The following DNM3 variants were observed in gnomAD, a reference collection of about 807,000 sequenced individuals.
DNM3 encodes dynamin-3.
A neutral mutation model predicts 101.6 loss-of-function variants in DNM3; 47 were observed. That is an observed-to-expected ratio of 0.46 (90% CI 0.37 to 0.59). The LOEUF is 0.59. DNM3 is among the 20% of genes least tolerant of loss of function. The probability of loss-of-function intolerance (pLI) is 0.00; values close to 1 mark genes in which losing one functional copy is unlikely to be tolerated. For missense variants in DNM3, 849 were observed against 1,085.7 expected (o/e 0.78, Z 3.06); for synonymous variants, 385 against 387.9 (o/e 0.99, Z 0.09).
At chr1:172,047,057 A>T (rs1299160617) in intron 9 of DNM3, among the ~76,000 whole-genome samples, 1 of 152,188 alleles carries the variant, frequency 6.6e-6, no homozygotes, top group African/African-American at 2.4e-5. Flanking sequence ...TGTCCTGAGC[A>T]TAAGACATAC....
At chr1:172,381,766 A>C (rs1287047054) in intron 18 of DNM3, among the ~76,000 whole-genome samples, 1 of 152,132 alleles carries the variant, frequency 6.6e-6, no homozygotes, top group Non-Finnish European at 1.5e-5. Flanking sequence ...CGAGAAAACT[A>C]GTCTTTTGAC....
intron 14 of DNM3, among the ~76,000 whole-genome samples, chr1:172,135,405 A>G (rs962170823): frequency 6.6e-6 from 1 of 152,148 alleles, no homozygotes; most frequent in Non-Finnish European, 1.5e-5. Context: ...AAATTATTGA[A>G]TTACAGAATA....
At chr1:171,969,424 C>G (rs796359095) in intron 2 of DNM3, among the ~76,000 whole-genome samples, 1 of 152,074 alleles carries the variant, frequency 6.6e-6, no homozygotes, top group Non-Finnish European at 1.5e-5. Flanking sequence ...AGTGGGAACA[C>G]GAGGGGCTGA....
At chr1:172,070,894 G>T (rs1476845356) in intron 11 of DNM3, among the ~76,000 whole-genome samples, 2 of 151,272 alleles carry the variant, frequency 1.3e-5, no homozygotes, top group East Asian at 2.0e-4. Flanking sequence ...TCGAGACCAG[G>T]CTGGGAAACA....
chr1:172,145,696 G>C (rs1333822071), intron 14 of DNM3, among the ~76,000 whole-genome samples: 3 of 152,134 alleles, frequency 2.0e-5, no homozygotes, highest in Non-Finnish European at 4.4e-5. Context: ...ACGAAACAAC[G>C]ACTCAGGTCT....
At chr1:171,891,565 C>T (rs560733441) in intron 1 of DNM3, among the ~76,000 whole-genome samples, 1 of 152,254 alleles carries the variant, frequency 6.6e-6, no homozygotes, top group East Asian at 1.9e-4. Flanking sequence ...TACCACATTA[C>T]ATTTCATCAT....
chr1:172,230,718 C>T (rs1354290275), intron 14 of DNM3, among the ~76,000 whole-genome samples: 2 of 152,052 alleles, frequency 1.3e-5, no homozygotes, highest in African/African-American at 2.4e-5. Context: ...CAGCCCATTG[C>T]GAGCACACTT....
intron 14 of DNM3, among the ~76,000 whole-genome samples, chr1:172,239,348 G>A (rs2061658075): frequency 6.6e-6 from 1 of 152,092 alleles, no homozygotes; most frequent in South Asian, 2.1e-4. Context: ...TTTATGGGTG[G>A]GAAGATGGCT....
At chr1:172,056,840 C>T (rs1299305729) in intron 10 of DNM3, among the ~76,000 whole-genome samples, 20 of 152,248 alleles carry the variant, frequency 1.3e-4, no homozygotes, top group Middle Eastern at 3.4e-3. Context: ...CAAAGCTGGA[C>T]GGAGAACGAC....
chr1:172,187,660 T>G (rs1558695085), intron 14 of DNM3, among the ~76,000 whole-genome samples: 1 of 152,004 alleles, frequency 6.6e-6, no homozygotes, highest in Admixed American at 6.6e-5. Flanking sequence ...TGCATGGAGG[T>G]GGGGTTGCGT....
At chr1:172,150,585 C>T (rs1231011354) in intron 14 of DNM3, among the ~76,000 whole-genome samples, 2 of 152,092 alleles carry the variant, frequency 1.3e-5, no homozygotes, top group Non-Finnish European at 1.5e-5. Context: ...TAATTTAATC[C>T]AGCAATCCTG....
chr1:171,968,428 A>G (rs1000794276), intron 2 of DNM3, among the ~76,000 whole-genome samples: 7 of 152,206 alleles, frequency 4.6e-5, no homozygotes, highest in Non-Finnish European at 7.3e-5. Context: ...TAATAGACAG[A>G]AATGGACCAA....
chr1:172,047,490 C>G (rs1263667397), intron 9 of DNM3, among the ~76,000 whole-genome samples: 1 of 151,982 alleles, frequency 6.6e-6, no homozygotes, highest in African/African-American at 2.4e-5. Context: ...ACAATATAAG[C>G]AAAGGCAAAT....
intron 1 of DNM3, among the ~76,000 whole-genome samples, chr1:171,870,267 T>C (rs2035144802): frequency 6.6e-6 from 1 of 152,210 alleles, no homozygotes; most frequent in Non-Finnish European, 1.5e-5. Context: ...ATATGATTTT[T>C]ATAGACTCTC....
At chr1:172,029,806 A>T (rs1313323925) in intron 4 of DNM3, among the ~76,000 whole-genome samples, 1 of 152,186 alleles carries the variant, frequency 6.6e-6, no homozygotes, top group South Asian at 2.1e-4. Flanking sequence ...CCCATTCATG[A>T]TTGCTACAAA....
intron 11 of DNM3, among the ~76,000 whole-genome samples, chr1:172,071,655 A>G (rs985717464): frequency 5.3e-5 from 8 of 152,220 alleles, no homozygotes; most frequent in African/African-American, 1.9e-4. Context: ...AAAATTAAGA[A>G]TATGGAAAGC....
chr1:172,005,967 G>C (rs908191172), intron 4 of DNM3, among the ~76,000 whole-genome samples: 1 of 152,064 alleles, frequency 6.6e-6, no homozygotes, highest in African/African-American at 2.4e-5. Context: ...TTGCTGATAA[G>C]AATCACTGGA....
At chr1:172,141,133 C>T (rs914443546) in intron 14 of DNM3, among the ~76,000 whole-genome samples, 3 of 152,004 alleles carry the variant, frequency 2.0e-5, no homozygotes, top group East Asian at 1.9e-4. Flanking sequence ...CTGGCTGTCA[C>T]GCTAAGTCAA....
At chr1:172,174,603 G>A (rs1355778965) in intron 14 of DNM3, among the ~76,000 whole-genome samples, 2 of 151,616 alleles carry the variant, frequency 1.3e-5, no homozygotes, top group Non-Finnish European at 1.5e-5. Flanking sequence ...TGTGCTTGAT[G>A]TTTTCTCTTC....
Sources: allele counts gnomAD v4.1 joint callset (sites outside exome capture counted in the v4.1 genomes callset), GRCh38; gene constraint gnomAD v4.1.1; transcripts MANE v1.5; gene names NCBI Gene and HGNC (gene_info 2026-07-23, HGNC 2026-07-21).